OPCML: variants seen among roughly 807,000 people sequenced by gnomAD.
The protein encoded by OPCML is opioid binding protein/cell adhesion molecule like.
A neutral mutation model predicts 37.8 loss-of-function variants in OPCML; 13 were observed. The observed-to-expected ratio is 0.34, with a 90% CI of 0.22 to 0.55. The LOEUF is 0.55. Ranked by LOEUF, OPCML falls within the 20% of genes least tolerant of loss-of-function variation. The pLI, the probability that OPCML is intolerant of heterozygous loss-of-function variation, is 0.91. For missense variants in OPCML, 341 were observed against 435.6 expected, an observed-to-expected ratio of 0.78 and a Z score of 1.93; for synonymous variants, 176 against 168.8, an observed-to-expected ratio of 1.04 and a Z score of -0.33.
intron 7 of OPCML, among the ~76,000 whole-genome samples, chr11:132,431,277 T>C (rs2095995977): frequency 6.6e-6 from 1 of 152,246 alleles, no homozygotes; most frequent in Non-Finnish European, 1.5e-5. Context: ...GAAAGTAACC[T>C]TGGAGTTCAT....
chr11:132,514,854 A>G (rs992072109), intron 4 of OPCML, among the ~76,000 whole-genome samples: 7 of 152,122 alleles, frequency 4.6e-5, no homozygotes, highest in Non-Finnish European at 8.8e-5. Flanking sequence ...CCACGGCCCT[A>G]TGATGCCCTA....
At chr11:132,942,837 C>A (rs1054129536) in intron 2 of OPCML, 89 bp downstream of exon 2, 1 of 1,532,270 alleles carries the variant, frequency 6.5e-7, no homozygotes, top group Non-Finnish European at 8.9e-7. Flanking sequence ...GCGTTCCGGT[C>A]CCCCATGGAG....
intron 2 of OPCML, among the ~76,000 whole-genome samples, chr11:132,799,442 A>G (rs1938520228): frequency 1.3e-5 from 2 of 152,174 alleles, no homozygotes; most frequent in Middle Eastern, 6.8e-3. Flanking sequence ...GGTCTTATGG[A>G]GAAGGAAGGA....
chr11:133,213,149 C>T (rs1268325620), intron 1 of OPCML, among the ~76,000 whole-genome samples: 1 of 151,878 alleles, frequency 6.6e-6, no homozygotes, highest in Non-Finnish European at 1.5e-5. Context: ...TTTTTGAACC[C>T]ACACACCCTG....
chr11:133,531,601 C>T (rs540326580), intron 1 of OPCML, among the ~76,000 whole-genome samples: 42 of 151,992 alleles, frequency 2.8e-4, no homozygotes, highest in Non-Finnish European at 5.0e-4. Context: ...CAGTAGAGGG[C>T]CTGTGTTACA....
intron 2 of OPCML, among the ~76,000 whole-genome samples, chr11:132,888,950 A>T (rs1591759131): frequency 6.6e-6 from 1 of 152,180 alleles, no homozygotes. Flanking sequence ...AATCAGCCCT[A>T]AACTCTTAGA....
rs575707427 is a variant in OPCML, at chr11:132,656,220, G to A, written c.379+867C>T. Among the ~76,000 whole-genome samples, 263 of 152,294 alleles carry A rather than the reference G, an allele frequency of 1.7e-3. 1 individual carries two copies. The highest frequency in any genetic ancestry group is 0.014 in the Middle Eastern group (4 of 294). Reference sequence around the variant, plus strand: ...ACATGGTGATGATAGTTGGGGTCAAGTTCAAAATAAGTTCATTTGGATTGC... The same window carrying A: ...ACATGGTGATGATAGTTGGGGTCAAATTCAAAATAAGTTCATTTGGATTGC... On this transcript the variant is annotated intron_variant, in intron 3 of 7. Transcript: ENST00000524381.
At chr11:133,113,878 G>A (rs946166376) in intron 1 of OPCML, among the ~76,000 whole-genome samples, 5 of 152,310 alleles carry the variant, frequency 3.3e-5, no homozygotes, top group East Asian at 3.9e-4. Flanking sequence ...TAGCATAAAA[G>A]TAAATGCATC....
At chr11:132,719,757 C>T (rs1013556284) in intron 2 of OPCML, among the ~76,000 whole-genome samples, 13 of 152,214 alleles carry the variant, frequency 8.5e-5, no homozygotes, top group African/African-American at 3.1e-4. Flanking sequence ...TTCTCCTAAA[C>T]ACAGCTTCTA....
intron 1 of OPCML, among the ~76,000 whole-genome samples, chr11:133,249,335 C>A (rs575314106): frequency 2.0e-5 from 3 of 151,992 alleles, no homozygotes; most frequent in African/African-American, 7.3e-5. Context: ...CTCTTTTGAA[C>A]GATCAGTTCT....
intron 2 of OPCML, among the ~76,000 whole-genome samples, chr11:132,701,761 A>ATT (rs1491170297): frequency 5.5e-5 from 4 of 72,526 alleles, no homozygotes; most frequent in African/African-American, 2.7e-4. Flanking sequence ...CAATTTGATG[A>ATT]TTGTGTGTGT....
chr11:133,195,738 C>T (rs1938511006), intron 1 of OPCML, among the ~76,000 whole-genome samples: 1 of 152,154 alleles, frequency 6.6e-6, no homozygotes. Flanking sequence ...TTCATCTTCC[C>T]ATAAGATTAT....
At chr11:132,524,397 T>C (rs965857059) in intron 4 of OPCML, among the ~76,000 whole-genome samples, 3 of 152,150 alleles carry the variant, frequency 2.0e-5, no homozygotes, top group Admixed American at 6.6e-5. Context: ...CATGGGTCAC[T>C]AAGTACAGAT....
At chr11:132,682,974 A>G (rs911253396) in intron 2 of OPCML, among the ~76,000 whole-genome samples, 1 of 152,232 alleles carries the variant, frequency 6.6e-6, no homozygotes, top group Non-Finnish European at 1.5e-5. Context: ...AAGGCCAGTC[A>G]GAAGAATTAA....
intron 1 of OPCML, among the ~76,000 whole-genome samples, chr11:133,215,547 T>C (rs1157842259): frequency 6.6e-6 from 1 of 152,144 alleles, no homozygotes; most frequent in Admixed American, 6.5e-5. Flanking sequence ...GCGACATGTT[T>C]TTATACCTTT....
At chr11:133,410,805 T>C (rs1281836220) in intron 1 of OPCML, among the ~76,000 whole-genome samples, 1 of 152,110 alleles carries the variant, frequency 6.6e-6, no homozygotes, top group East Asian at 1.9e-4. Flanking sequence ...CTTGACGACA[T>C]GTTGTACATT....
chr11:133,103,977 G>A (rs1949122215), intron 1 of OPCML, among the ~76,000 whole-genome samples: 1 of 152,184 alleles, frequency 6.6e-6, no homozygotes, highest in African/African-American at 2.4e-5. Flanking sequence ...GTTTTTTCAG[G>A]AAAGAGATAT....
intron 1 of OPCML, chr11:133,420,780 A>G: frequency 2.0e-6 from 2 of 985,380 alleles, no homozygotes; most frequent in Middle Eastern, 5.2e-4. Flanking sequence ...TTGAAATTCA[A>G]TTTTTCCCAA....
At chr11:132,602,168 G>A (rs1937965142) in intron 3 of OPCML, among the ~76,000 whole-genome samples, 1 of 152,116 alleles carries the variant, frequency 6.6e-6, no homozygotes, top group Non-Finnish European at 1.5e-5. Context: ...TTCCACAGAA[G>A]CCTCCCAGAG....
Sources: allele counts gnomAD v4.1 joint callset (sites outside exome capture counted in the v4.1 genomes callset), GRCh38; gene constraint gnomAD v4.1.1; transcripts MANE v1.5; gene names NCBI Gene and HGNC (gene_info 2026-07-23, HGNC 2026-07-21).